SEMA3A: variants seen among roughly 807,000 people sequenced by gnomAD.
SEMA3A encodes semaphorin 3A, also known as semaphorin-3A.
Under a neutral mutation model 97.9 loss-of-function variants are expected in SEMA3A, and 29 were observed. The observed-to-expected ratio is 0.30, with a 90% CI of 0.22 to 0.40. The LOEUF (loss-of-function observed/expected upper bound fraction) is 0.40, where lower values mean the gene tolerates loss of function less well. Ranked by LOEUF, SEMA3A falls within the 10% of genes least tolerant of loss-of-function variation. SEMA3A has a pLI of 1.00. For missense variants in SEMA3A, 763 were observed against 951.3 expected (o/e 0.80, Z 2.60); for synonymous variants, 321 against 323.7 (o/e 0.99, Z 0.09).
At chr7:84,160,947 G>T (rs1797012492) in intron 1 of SEMA3A, among the ~76,000 whole-genome samples, 1 of 152,060 alleles carries the variant, frequency 6.6e-6, no homozygotes, top group Admixed American at 6.6e-5. Flanking sequence ...CTACTTTATT[G>T]ATAGGAAGAC....
At chr7:84,205,762 A>C (rs1331117009) in intron 3 of SEMA3A, among the ~76,000 whole-genome samples, 7 of 152,240 alleles carry the variant, frequency 4.6e-5, no homozygotes, top group Admixed American at 6.5e-5. Context: ...AACACTATCC[A>C]GAATTTTGAA....
Position 83,999,064 on chromosome 7 carries a change from A to G in SEMA3A, c.1452+2891T>C, listed in dbSNP as rs536011012. 3.9e-4 allele frequency among the ~76,000 whole-genome samples: 60 copies of G among 152,336 alleles called. No individual in the cohort carries two copies. In the South Asian group the frequency reaches 0.011, roughly 28 times the overall value. ...GTAATTTTTTATAAGTAGAAGGAGT[A>G]CAATGTAAAATAACAACAGAAAGTG... On this transcript the variant is annotated intron_variant, in intron 12 of 16. Coordinates refer to ENST00000265362, the MANE Select transcript of SEMA3A (RefSeq NM_006080.3).
At chr7:84,110,039 T>G (rs996418530) in intron 4 of SEMA3A, among the ~76,000 whole-genome samples, 2 of 152,162 alleles carry the variant, frequency 1.3e-5, no homozygotes, top group Admixed American at 1.3e-4. Context: ...TGAGTCAAAC[T>G]TGAGATCAGA....
chr7:84,416,963 C>T (rs1288691085), intron 1 of SEMA3A, among the ~76,000 whole-genome samples: 1 of 152,020 alleles, frequency 6.6e-6, no homozygotes, highest in Non-Finnish European at 1.5e-5. Flanking sequence ...CAATTCTTTG[C>T]TTGTTCGTTA....
At chr7:83,987,730 T>C (rs1789696944) in intron 12 of SEMA3A, among the ~76,000 whole-genome samples, 2 of 152,254 alleles carry the variant, frequency 1.3e-5, no homozygotes, top group Non-Finnish European at 2.9e-5. Flanking sequence ...TACCCCACTA[T>C]ACTGTCTTTC....
intron 1 of SEMA3A, among the ~76,000 whole-genome samples, chr7:84,444,446 T>C (rs1805353049): frequency 6.6e-6 from 1 of 152,150 alleles, no homozygotes; most frequent in Non-Finnish European, 1.5e-5. Flanking sequence ...TTTTCTTCAA[T>C]TAGAGCACAA....
At chr7:84,132,662 G>GTTTTTTTTTTTT (rs55830654) in intron 2 of SEMA3A, among the ~76,000 whole-genome samples, 1 of 86,630 alleles carries the variant, frequency 1.2e-5, no homozygotes, top group Non-Finnish European at 2.2e-5. Flanking sequence ...TCGACTTGGT[G>GTTTTTTTTTTTT]TTTTTTTTTT....
intron 3 of SEMA3A, among the ~76,000 whole-genome samples, chr7:84,112,422 T>C (rs979505757): frequency 2.6e-5 from 4 of 152,174 alleles, no homozygotes; most frequent in African/African-American, 9.7e-5. Flanking sequence ...CCTTTAAAGA[T>C]ATGCATGCAA....
At chr7:84,363,900 G>A (rs1242358243) in intron 2 of SEMA3A, among the ~76,000 whole-genome samples, 1 of 151,678 alleles carries the variant, frequency 6.6e-6, no homozygotes, top group African/African-American at 2.4e-5. Flanking sequence ...TCATTCTCTT[G>A]TGAGTGTACT....
chr7:84,434,363 A>G (rs1391595980), intron 1 of SEMA3A, among the ~76,000 whole-genome samples: 1 of 152,156 alleles, frequency 6.6e-6, no homozygotes, highest in African/African-American at 2.4e-5. Context: ...AAATTGAATC[A>G]GTAGTAAAAA....
At chr7:84,015,635 G>A (rs1015267061) in intron 6 of SEMA3A, among the ~76,000 whole-genome samples, 12 of 152,224 alleles carry the variant, frequency 7.9e-5, no homozygotes, top group African/African-American at 2.9e-4. Context: ...ACACGTACAG[G>A]TCAGCACCAT....
chr7:84,385,800 T>C (rs1803381451), intron 1 of SEMA3A, among the ~76,000 whole-genome samples: 1 of 152,182 alleles, frequency 6.6e-6, no homozygotes, highest in African/African-American at 2.4e-5. Context: ...TTTTCACTCT[T>C]ACCATTTTTT....
chr7:84,173,317 A>G (rs2116211752), intron 1 of SEMA3A, among the ~76,000 whole-genome samples: 1 of 152,150 alleles, frequency 6.6e-6, no homozygotes, highest in East Asian at 1.9e-4. Context: ...GCACTTTGGG[A>G]GGCCGAGGCG....
At chr7:84,132,078 G>A (rs1445568785) in intron 2 of SEMA3A, among the ~76,000 whole-genome samples, 1 of 152,144 alleles carries the variant, frequency 6.6e-6, no homozygotes, top group Non-Finnish European at 1.5e-5. Flanking sequence ...CTCCCAACCT[G>A]CTGGGATTAC....
At chr7:84,063,208 C>A (rs1043864426) in intron 4 of SEMA3A, among the ~76,000 whole-genome samples, 25 of 151,422 alleles carry the variant, frequency 1.7e-4, no homozygotes, top group Admixed American at 6.6e-5. Flanking sequence ...AGCTGAGGGT[C>A]CTGTCTGTTA....
rs577030121 is a variant in SEMA3A at position 84,077,312 on chromosome 7, C to T, written c.454-16754G>A. 2.3e-3 allele frequency among the ~76,000 whole-genome samples: 355 copies of T among 152,136 alleles called. 2 individuals are homozygous for T. Among genetic ancestry groups the T allele is most frequent in the Non-Finnish European group, 3.8e-3 (259 of 67,916 alleles). On this transcript the variant is annotated intron_variant, in intron 4 of 16. Coordinates refer to ENST00000265362, the MANE Select transcript of SEMA3A (RefSeq NM_006080.3). ...TTTGTGATCTTATAATTTCTTAAAGCATCAATGTTTTTAGTTCCAAATTGT... is the reference window on the plus strand; with the variant it reads ...TTTGTGATCTTATAATTTCTTAAAGTATCAATGTTTTTAGTTCCAAATTGT...
At chr7:84,336,345 A>C (rs994678235) in intron 2 of SEMA3A, among the ~76,000 whole-genome samples, 4 of 152,186 alleles carry the variant, frequency 2.6e-5, no homozygotes, top group African/African-American at 9.7e-5. Flanking sequence ...AACTTAGCAT[A>C]GGCAAAAATT....
chr7:84,026,765 C>G (rs1285141762), intron 6 of SEMA3A, among the ~76,000 whole-genome samples: 1 of 152,126 alleles, frequency 6.6e-6, no homozygotes, highest in African/African-American at 2.4e-5. Flanking sequence ...CCAACTACTG[C>G]ATGTTCTCAC....
chr7:84,216,140 C>T (rs1240511811), intron 3 of SEMA3A, among the ~76,000 whole-genome samples: 1 of 152,168 alleles, frequency 6.6e-6, no homozygotes, highest in Non-Finnish European at 1.5e-5. Context: ...ACGATCTCAG[C>T]TCACTGCCAC....
Sources: gnomAD v4.1 joint callset for allele counts (sites outside exome capture counted in the v4.1 genomes callset) on GRCh38, gnomAD v4.1.1 for gene constraint, MANE v1.5 for transcripts, NCBI Gene and HGNC (gene_info 2026-07-23, HGNC 2026-07-21) for gene names.